The following PEX26 variants were observed in gnomAD, a reference collection of about 807,000 sequenced individuals.
The protein encoded by PEX26 is peroxisome assembly protein 26.
A neutral mutation model predicts 31.4 loss-of-function variants in PEX26; 18 were observed. The ratio of observed to expected loss-of-function variants is 0.57; its 90% CI spans 0.40 to 0.85. The LOEUF (loss-of-function observed/expected upper bound fraction) is 0.85, where lower values mean the gene tolerates loss of function less well. Ranked by LOEUF, PEX26 falls within the 40% of genes least tolerant of loss-of-function variation. The probability of loss-of-function intolerance (pLI) is 0.00; values close to 1 mark genes in which losing one functional copy is unlikely to be tolerated. For synonymous variants in PEX26, 176 were observed against 166.9 expected, an observed-to-expected ratio of 1.05 and a Z score of -0.42; for missense variants, 377 against 383.9, an observed-to-expected ratio of 0.98 and a Z score of 0.15.
At chr22:18,078,712 C>A in intron 1 of PEX26, 106 bp downstream of exon 1, 1 of 1,012,900 alleles carries the variant, frequency 9.9e-7, no homozygotes, top group Non-Finnish European at 1.5e-6. Flanking sequence ...GAGCTTTACA[C>A]CTCGCTTTCA....
chr22:18,082,201 A>T (rs1040848719), intron 2 of PEX26, among the ~76,000 whole-genome samples: 1 of 151,726 alleles, frequency 6.6e-6, no homozygotes, highest in Non-Finnish European at 1.5e-5. Context: ...GCTGTGCAGA[A>T]GTTTTTAGTT....
At chr22:18,083,188 C>A (rs1022514539) in intron 2 of PEX26, among the ~76,000 whole-genome samples, 1 of 152,156 alleles carries the variant, frequency 6.6e-6, no homozygotes, top group Non-Finnish European at 1.5e-5. Flanking sequence ...TGAATAAAAA[C>A]GGTCAAAGTA....
In PEX26 at chr22:18,094,724, C is replaced by G. The variant is rs1927238036; in HGVS notation, c.*6649C>G. On this transcript the variant is annotated 3_prime_UTR_variant, in exon 5 of 5. Transcript: ENST00000399744. ...TCTGACCCCACTGACTGCCCCTTTT[C>G]TGCCTCCATAGCTAGTTTCTTATTT... 1 of 152,028 alleles carries G rather than the reference C, an allele frequency of 6.6e-6. No individual in the cohort carries two copies. 9.4% of individuals were successfully genotyped at this position (152,028 alleles called of 1,614,324 possible).
At chr22:18,080,538 G>A (rs974505436) in intron 2 of PEX26, among the ~76,000 whole-genome samples, 3 of 152,126 alleles carry the variant, frequency 2.0e-5, no homozygotes, top group African/African-American at 4.8e-5. Flanking sequence ...TACCGTGTTA[G>A]CCAGGATGGT....
In PEX26 at chr22:18,093,569, A is replaced by AC. The variant is rs1251005902; in HGVS notation, c.*5494_*5495insC. On this transcript the variant is annotated 3_prime_UTR_variant, in exon 5 of 5. Coordinates refer to ENST00000399744, the MANE Select transcript of PEX26 (RefSeq NM_001127649.3). ...CAGAGCAAGACTCCGTCTTAAAAAA[A>AC]AAAAAAACAAAAATAAACCTTTTAA... is the stretch of plus-strand genomic sequence containing the variant. The AC allele has an allele frequency of 6.6e-6, 1 of 151,294 alleles. No homozygotes were observed. The highest frequency in any genetic ancestry group is 1.9e-4 in the East Asian group (1 of 5,172). 9.4% of individuals were successfully genotyped at this position (151,294 alleles called of 1,614,324 possible).
Position 18,101,864 on chromosome 22 carries a change from C to A in PEX26, c.*13789C>A. ...GAATGGAGAATTCGACAACGCCTGG[C>A]ATGATTGAGGGTGACACATCACGGC... On this transcript the variant is annotated 3_prime_UTR_variant, in exon 5 of 5. Coordinates refer to ENST00000399744, the MANE Select transcript of PEX26 (RefSeq NM_001127649.3). 6.1e-6 allele frequency: 1 copy of A among 162,922 alleles called. No homozygotes were observed. Among genetic ancestry groups the A allele is most frequent in the South Asian group, 1.8e-4 (1 of 5,678 alleles). The allele number at this position is 162,922 out of a possible 1,614,324, so 10.1% of individuals were successfully genotyped here. A position where few individuals can be genotyped will look rare whatever the true frequency, so the allele number is the denominator to read the frequency against.
intron 2 of PEX26, 66 bp from the exon 3 acceptor site, chr22:18,083,371 G>C (rs1429459288): frequency 1.3e-6 from 2 of 1,521,766 alleles, no homozygotes; most frequent in South Asian, 1.1e-5. Flanking sequence ...AGTGGTCATG[G>C]GAAATGAACC....
Position 18,100,699 on chromosome 22 carries a change from A to G in PEX26, c.*12624A>G, listed in dbSNP as rs1034892056. On this transcript the variant is annotated 3_prime_UTR_variant, in exon 5 of 5. Coordinates refer to ENST00000399744, the MANE Select transcript of PEX26 (RefSeq NM_001127649.3). The stretch of plus-strand genomic sequence containing the variant: ...CAGTAATATTCTACCAATGGTATTA[A>G]TTCAAAGCAGGTAGATGACCAGCGA... 1 of 152,252 alleles carries G rather than the reference A, an allele frequency of 6.6e-6. No homozygotes were observed. The highest frequency in any genetic ancestry group is 2.4e-5 in the African/African-American group (1 of 41,460). 9.4% of individuals were successfully genotyped at this position (152,252 alleles called of 1,614,324 possible). A position where few individuals can be genotyped will look rare whatever the true frequency, so the allele number is the denominator to read the frequency against.
In PEX26 at chr22:18,096,698, G is replaced by C. The variant is rs938374243; in HGVS notation, c.*8623G>C. ...CTCCCAAAGTGCTGGGATTACAGGC[G>C]TGAGCCACCACGCCCGGCCGGCTCT... On this transcript the variant is annotated 3_prime_UTR_variant, in exon 5 of 5. Transcript: ENST00000399744. 4 of 152,090 alleles carry C rather than the reference G, an allele frequency of 2.6e-5. No individual in the cohort carries two copies. The highest frequency in any genetic ancestry group is 4.4e-5 in the Non-Finnish European group (3 of 68,022). 9.4% of individuals were successfully genotyped at this position (152,090 alleles called of 1,614,324 possible).
intron 2 of PEX26, among the ~76,000 whole-genome samples, chr22:18,080,800 CT>C (rs1385219097): frequency 6.6e-6 from 1 of 152,136 alleles, no homozygotes; most frequent in East Asian, 1.9e-4. Context: ...AAAAGCCTCT[CT>C]TCCGGCTATT....
rs1926933925 is a variant in PEX26 at position 18,088,306 on chromosome 22, T to C, written c.*231T>C. On this transcript the variant is annotated 3_prime_UTR_variant, in exon 5 of 5. Transcript: ENST00000399744. The surrounding 1 kb of genome is among the most constrained non-coding windows in gnomAD (Gnocchi z 4.1). ...AGCAGGCACAGCACCTCCAGAACAG[T>C]GCCCCGGATGACCAGAGGCCCCTTG... The C allele has an allele frequency of 3.1e-6, 2 of 655,524 alleles. No homozygotes were observed. Among genetic ancestry groups the C allele is most frequent in the Non-Finnish European group, 2.8e-6 (1 of 353,534 alleles). 40.6% of individuals were successfully genotyped at this position (655,524 alleles called of 1,614,324 possible). A position where few individuals can be genotyped will look rare whatever the true frequency, so the allele number is the denominator to read the frequency against.
rs1927457099 is a variant in PEX26, at chr22:18,101,765, T to G, written c.*13690T>G. ...TCATCCTGCATGTGGGCAAGTCAGCTCTCTGATGGATGGTGCAATTTCCTT... is the reference window on the plus strand; with the variant it reads ...TCATCCTGCATGTGGGCAAGTCAGCGCTCTGATGGATGGTGCAATTTCCTT... On this transcript the variant is annotated 3_prime_UTR_variant, in exon 5 of 5. Transcript: ENST00000399744. The G allele has an allele frequency of 4.4e-6, 1 of 224,862 alleles. No homozygotes were observed. Among genetic ancestry groups the G allele is most frequent in the Non-Finnish European group, 8.7e-6 (1 of 114,714 alleles). The allele number at this position is 224,862 out of a possible 1,614,324, so 13.9% of individuals were successfully genotyped here.
rs1927457588 is a variant in PEX26, at chr22:18,101,789, T to A, written c.*13714T>A. 5.0e-6 allele frequency: 1 copy of A among 201,116 alleles called. No individual in the cohort carries two copies. The highest frequency in any genetic ancestry group is 1.0e-5 in the Non-Finnish European group (1 of 98,218). 12.5% of individuals were successfully genotyped at this position (201,116 alleles called of 1,614,324 possible). A position where few individuals can be genotyped will look rare whatever the true frequency, so the allele number is the denominator to read the frequency against. On this transcript the variant is annotated 3_prime_UTR_variant, in exon 5 of 5. Transcript: ENST00000399744. ...CTCTCTGATGGATGGTGCAATTTCCTTGGTCATTAACCTGAGGTCTGGGGC... is the reference window on the plus strand; with the variant it reads ...CTCTCTGATGGATGGTGCAATTTCCATGGTCATTAACCTGAGGTCTGGGGC...
chr22:18,098,666 T>C lies in PEX26; in HGVS notation c.*10591T>C, dbSNP rs1227120113. The C allele has an allele frequency of 4.0e-5, 6 of 151,852 alleles. No homozygotes were observed. Among genetic ancestry groups the C allele is most frequent in the Non-Finnish European group, 8.8e-5 (6 of 67,980 alleles). The allele number at this position is 151,852 out of a possible 1,614,324, so 9.4% of individuals were successfully genotyped here. A position where few individuals can be genotyped will look rare whatever the true frequency, so the allele number is the denominator to read the frequency against. On this transcript the variant is annotated 3_prime_UTR_variant, in exon 5 of 5. Transcript: ENST00000399744. ...AAAAAAGAAAAAAAAATTACCTCCCTCATTTTCTTTATAATATTATTGTGT... is the reference window on the plus strand; with the variant it reads ...AAAAAAGAAAAAAAAATTACCTCCCCCATTTTCTTTATAATATTATTGTGT...
In PEX26 at chr22:18,083,528, G is replaced by C. The variant is rs1355191044; in HGVS notation, c.463G>C (p.Glu155Gln). The stretch of plus-strand genomic sequence containing the variant: ...AGACCCAGCCAATCAAAACCTTCCA[G>C]AATATGGAGCCTTGGCAGAATTTCA... ...LQDPANQNLP[E>Q]YGALAEFHVQ... Residue 155 changes from glutamate to glutamine, a missense_variant, in exon 3 of 5, where the codon GAA becomes CAA. Coordinates refer to ENST00000399744, the MANE Select transcript of PEX26 (RefSeq NM_001127649.3). 3.7e-6 allele frequency: 6 copies of C among 1,614,026 alleles called. No individual in the cohort carries two copies. Among genetic ancestry groups the C allele is most frequent in the Non-Finnish European group, 5.1e-6 (6 of 1,179,978 alleles).
intron 1 of PEX26, among the ~76,000 whole-genome samples, chr22:18,079,410 A>G (rs1323081565): frequency 6.6e-6 from 1 of 152,190 alleles, no homozygotes; most frequent in South Asian, 2.1e-4. Context: ...CAGTGAATGC[A>G]GAAGGCTTTG....
At chr22:18,082,063 T>TTG (rs1491183259) in intron 2 of PEX26, among the ~76,000 whole-genome samples, 2 of 3,274 alleles carry the variant, frequency 6.1e-4, no homozygotes, top group Admixed American at 9.2e-3. Flanking sequence ...TTGAATCAGG[T>TTG]TTTTTTTTTT....
rs1286829776 is a variant in PEX26 at position 18,085,187 on chromosome 22, T to C, written c.743T>C (p.Phe248Ser). 2 of 1,614,136 alleles carry C rather than the reference T, an allele frequency of 1.2e-6. No homozygotes were observed. Among genetic ancestry groups the C allele is most frequent in the South Asian group, 2.2e-5 (2 of 91,076 alleles). The change falls in exon 4 of 5, where the codon TTT becomes TCT. Residue 248 changes from phenylalanine to serine, a missense_variant. Physicochemically the swap from Phe to Ser is radical, Grantham distance 155 (BLOSUM62 -2). Transcript: ENST00000399744. ...QLWDSAVSHF[F>S]SLPFKKSLLA... is the part of the protein sequence containing the mutation. Reference sequence around the variant, plus strand: ...TGGGACTCTGCGGTGAGCCACTTCTTTTCTCTGCCCTTCAAAAAGAGTCTC... The same window carrying C: ...TGGGACTCTGCGGTGAGCCACTTCTCTTCTCTGCCCTTCAAAAAGAGTCTC...
At chr22:18,081,277 C>CACACACACACAT in intron 2 of PEX26, among the ~76,000 whole-genome samples, 1 of 142,752 alleles carries the variant, frequency 7.0e-6, no homozygotes, top group Admixed American at 7.0e-5. Context: ...CACACACACA[C>CACACACACACAT]ACATTATCCA....
Sources: gnomAD v4.1 joint callset for allele counts (sites outside exome capture counted in the v4.1 genomes callset) on GRCh38, gnomAD v4.1.1 for gene constraint, Gnocchi (gnomAD v3.1) non-coding constraint, MANE v1.5 for transcripts, NCBI Gene and HGNC (gene_info 2026-07-23, HGNC 2026-07-21) for gene names.